DMGDH: variants seen among roughly 807,000 people sequenced by gnomAD.
DMGDH encodes dimethylglycine dehydrogenase.
DMGDH carries 76 observed loss-of-function variants against 95.2 expected under a neutral mutation model. That is an observed-to-expected ratio of 0.80 (90% CI 0.66 to 0.97). DMGDH has a LOEUF of 0.97. DMGDH is among the 50% of genes least tolerant of loss of function. DMGDH has a pLI of 0.00. For synonymous variants in DMGDH, 345 were observed against 377.6 expected (o/e 0.91, Z 1.00); for missense variants, 987 against 1,055.0 (o/e 0.94, Z 0.89).
At chr5:79,068,542 A>G (rs78841014) in intron 1 of DMGDH, among the ~76,000 whole-genome samples, 1,620 of 152,292 alleles carry the variant, frequency 0.011, 30 homozygotes, top group African/African-American at 0.037. Flanking sequence ...TACTGGAGAC[A>G]AACCTAGCAC....
chr5:79,063,213 A>T (rs1644004), intron 2 of DMGDH, among the ~76,000 whole-genome samples: 1 of 152,056 alleles, frequency 6.6e-6, no homozygotes, highest in Non-Finnish European at 1.5e-5. Context: ...CCCAGACAGT[A>T]TCCTTCCATA....
In DMGDH at chr5:79,044,687, A is replaced by C. The variant is rs532166319; in HGVS notation, c.746-135T>G. 366 of 1,052,514 alleles carry C rather than the reference A, an allele frequency of 3.5e-4. 5 individuals carry two copies. Among genetic ancestry groups the C allele is most frequent in the Non-Finnish European group, 4.6e-4 (331 of 726,132 alleles). 65.2% of individuals were successfully genotyped at this position (1,052,514 alleles called of 1,614,324 possible). A position where few individuals can be genotyped will look rare whatever the true frequency, so the allele number is the denominator to read the frequency against. ...GGCAAAGTCTAATAAATGTCATAACAATCTAAACTTTTGTCATTGCAAAAC... is the reference window on the plus strand; with the variant it reads ...GGCAAAGTCTAATAAATGTCATAACCATCTAAACTTTTGTCATTGCAAAAC... On this transcript the variant is annotated intron_variant, in intron 5 of 15. Coordinates refer to ENST00000255189, the MANE Select transcript of DMGDH (RefSeq NM_013391.3).
At chr5:79,025,356 G>A (rs191985062) in intron 13 of DMGDH, among the ~76,000 whole-genome samples, 47 of 152,246 alleles carry the variant, frequency 3.1e-4, no homozygotes, top group Admixed American at 2.2e-3. Flanking sequence ...CTGTCCCTGC[G>A]CCTAGCCTCG....
At chr5:79,065,344 T>C (rs1045790030) in intron 1 of DMGDH, among the ~76,000 whole-genome samples, 1 of 151,628 alleles carries the variant, frequency 6.6e-6, no homozygotes, top group South Asian at 2.1e-4. Flanking sequence ...CCCGAGTAGC[T>C]GGGATTACAG....
chr5:79,021,214 C>A, intron 14 of DMGDH: 1 of 1,005,806 alleles, frequency 9.9e-7, no homozygotes, highest in Non-Finnish European at 1.2e-6. Context: ...GTGTTGTATG[C>A]GGCTGGAGAG....
intron 5 of DMGDH, among the ~76,000 whole-genome samples, chr5:79,046,207 C>T (rs1224710253): frequency 6.6e-6 from 1 of 152,174 alleles, no homozygotes; most frequent in Non-Finnish European, 1.5e-5. Context: ...CTGTCTCAGC[C>T]TCCTGAGTAG....
At chr5:79,034,052 G>A (rs1190845434) in intron 7 of DMGDH, among the ~76,000 whole-genome samples, 1 of 152,172 alleles carries the variant, frequency 6.6e-6, no homozygotes, top group South Asian at 2.1e-4. Flanking sequence ...CTAGGGGTTG[G>A]AGCCAGAATG....
chr5:79,051,502 C>T lies in DMGDH; in HGVS notation c.541-11G>A, dbSNP rs748752385. The T allele has an allele frequency of 6.2e-7, 1 of 1,610,496 alleles. No individual in the cohort carries two copies. Among genetic ancestry groups the T allele is most frequent in the Admixed American group, 1.7e-5 (1 of 60,004 alleles). On this transcript the variant is annotated splice_polypyrimidine_tract_variant and intron_variant, in intron 4 of 15. Transcript: ENST00000255189. ...CAATCCAGCTAAAACCTAAATCAAT[C>T]ATACCAGAGTCAATACTCAAATATA...
At chr5:79,066,293 TA>T (rs1755377817) in intron 1 of DMGDH, among the ~76,000 whole-genome samples, 1 of 152,202 alleles carries the variant, frequency 6.6e-6, no homozygotes, top group African/African-American at 2.4e-5. Flanking sequence ...TATTCTATTT[TA>T]TTTTTTTTTT....
chr5:79,020,383 A>G (rs1296740013), intron 14 of DMGDH, among the ~76,000 whole-genome samples: 2 of 152,230 alleles, frequency 1.3e-5, no homozygotes, highest in African/African-American at 2.4e-5. Flanking sequence ...AATTTCCCAA[A>G]GAGAATTGGA....
Position 79,044,015 on chromosome 5 carries a change from CAGGAGGT to C in DMGDH, c.994+282_994+288del, listed in dbSNP as rs1418164247. Among the ~76,000 whole-genome samples the C allele has an allele frequency of 2.6e-5, 4 of 152,302 alleles. 1 individual carries two copies. The highest frequency in any genetic ancestry group is 1.3e-4 in the Admixed American group (2 of 15,298). ...GTGGATTGAGGAAAAAACGGGGAGG[CAGGAGGT>C]TGTGTGGGCAGGTAAAAATGTATCT... On this transcript the variant is annotated intron_variant, in intron 6 of 15. Coordinates refer to ENST00000255189, the MANE Select transcript of DMGDH (RefSeq NM_013391.3).
chr5:79,010,099 A>T (rs918557396), intron 14 of DMGDH, among the ~76,000 whole-genome samples: 2 of 152,220 alleles, frequency 1.3e-5, no homozygotes, highest in Non-Finnish European at 2.9e-5. Context: ...TCATTAAAAC[A>T]TCCACCTGTA....
At chr5:79,031,876 A>G (rs73771396) in intron 9 of DMGDH, among the ~76,000 whole-genome samples, 4 of 152,374 alleles carry the variant, frequency 2.6e-5, no homozygotes, top group African/African-American at 9.6e-5. Context: ...AAACCAAATC[A>G]GTATTTGGCC....
At chr5:79,020,655 T>C (rs762716361) in intron 14 of DMGDH, 46 of 968,026 alleles carry the variant, frequency 4.8e-5, no homozygotes, top group Non-Finnish European at 5.5e-5. Context: ...AGAATCAACA[T>C]TGTCTTATAA....
intron 14 of DMGDH, among the ~76,000 whole-genome samples, chr5:79,008,369 C>A (rs918891843): frequency 6.6e-6 from 1 of 152,162 alleles, no homozygotes; most frequent in Non-Finnish European, 1.5e-5. Context: ...CTGATCTACA[C>A]AAAAACACCC....
In DMGDH at chr5:79,054,327, C is replaced by T; in HGVS notation, c.397G>A (p.Gly133Ser). The change falls in exon 4 of 16, where the codon GGT becomes AGT. Residue 133 changes from glycine to serine, a missense_variant. Gly to Ser is a moderately conservative substitution (Grantham distance 56). Transcript: ENST00000255189. ...GGGGTGGTAGCAAGTCTGATACTACCTGGCTGATGGAATCCCACCACCTGT... is the reference window on the plus strand; with the variant it reads ...GGGGTGGTAGCAAGTCTGATACTACTTGGCTGATGGAATCCCACCACCTGT... ...TGQVVGFHQP[G>S]SIRLATTPVR... 6.2e-7 allele frequency: 1 copy of T among 1,614,074 alleles called. No homozygotes were observed.
Position 78,998,198 on chromosome 5 carries a change from CT to C in DMGDH, c.2484del (p.Val829TrpfsTer6), listed in dbSNP as rs1409699091. The C allele has an allele frequency of 6.2e-7, 1 of 1,614,038 alleles. No individual in the cohort carries two copies. The highest frequency in any genetic ancestry group is 2.2e-5 in the East Asian group (1 of 44,898). On this transcript the variant is annotated frameshift_variant, in exon 16 of 16. Coordinates refer to ENST00000255189, the MANE Select transcript of DMGDH (RefSeq NM_013391.3). LOFTEE classifies it high-confidence loss of function. ...TTTTTGCCTAATAGTTCAACTTCCACTTGCTGTCCCACTTCACTTAGTTGTA... is the reference window on the plus strand; with the variant it reads ...TTTTTGCCTAATAGTTCAACTTCCACTGCTGTCCCACTTCACTTAGTTGTA... ...VPVQLSEVGQQVEVELLGKNY... is the reference protein window; with the variant it reads ...VPVQLSEVGQXVEVELLGKNY...
At chr5:79,019,688 C>T (rs745948300) in intron 14 of DMGDH, among the ~76,000 whole-genome samples, 2 of 152,022 alleles carry the variant, frequency 1.3e-5, no homozygotes, top group Non-Finnish European at 2.9e-5. Context: ...AGTTCAAGAC[C>T]AACCTGGCCA....
At position 79,054,254 on chromosome 5, in the gene DMGDH, T is replaced by C. The variant is rs769911716; in HGVS notation, c.470A>G (p.His157Arg). Residue 157 changes from histidine to arginine, a missense_variant, in exon 4 of 16, where the codon CAT (histidine) becomes CGT (arginine). By Grantham distance (29) the His-to-Arg change is conservative. Transcript: ENST00000255189. The stretch of plus-strand genomic sequence containing the variant: ...TTCAATGAGATACTGTTCTGTTGCA[T>C]GCCAGCCAGTCCGAGTCATTTGATA... ...FKYQMTRTGW[H>R]ATEQYLIEPE... The C allele has an allele frequency of 3.7e-6, 6 of 1,614,044 alleles. No homozygotes were observed. The Admixed American group carries it at 1.0e-4, about 27-fold the overall frequency.
Sources: gnomAD v4.1 joint callset for allele counts (sites outside exome capture counted in the v4.1 genomes callset) on GRCh38, gnomAD v4.1.1 for gene constraint, MANE v1.5 for transcripts, NCBI Gene and HGNC (gene_info 2026-07-23, HGNC 2026-07-21) for gene names.